The following TYW1B variants were observed in gnomAD, a reference collection of about 807,000 sequenced individuals.
TYW1B encodes the protein S-adenosyl-L-methionine-dependent tRNA 4-demethylwyosine synthase TYW1B.
TYW1B carries 73 observed loss-of-function variants against 86.9 expected under a neutral mutation model. That is an observed-to-expected ratio of 0.84 (90% CI 0.70 to 1.02). The LOEUF (loss-of-function observed/expected upper bound fraction) is 1.02. Among genes scored for constraint, TYW1B ranks in the 50% least tolerant of loss-of-function variants. The pLI, the probability that TYW1B is intolerant of heterozygous loss-of-function variation, is 0.00. For missense variants in TYW1B, 637 were observed against 827.4 expected (o/e 0.77, Z 2.82); for synonymous variants, 248 against 292.8 (o/e 0.85, Z 1.56).
In TYW1B at chr7:72,574,779, C is replaced by CT. The variant is rs1810981208; in HGVS notation, c.*718dup. 2 of 985,248 alleles carry CT rather than the reference C, an allele frequency of 2.0e-6. No individual in the cohort carries two copies. Among genetic ancestry groups the CT allele is most frequent in the African/African-American group, 3.5e-5 (2 of 57,226 alleles). The allele number at this position is 985,248 out of a possible 1,614,324, so 61.0% of individuals were successfully genotyped here. ...TTCAGTCCAAAGTGTGTTTGTGAGA[C>CT]TAATGACTCCATGCCCTCACATGGC... On this transcript the variant is annotated 3_prime_UTR_variant, in exon 14 of 14. Transcript: ENST00000620995.
At position 72,735,569 on chromosome 7, in the gene TYW1B, TAA is replaced by T. The variant is rs1169710498; in HGVS notation, c.1083-6640_1083-6639del. ...CCTGGGCAACAGCAAGACTCTGCCT[TAA>T]AAAAAAAAAAAAAAAAGGCCGAGTG... is the stretch of plus-strand genomic sequence containing the variant. On this transcript the variant is annotated intron_variant, in intron 8 of 13. Coordinates refer to ENST00000620995, the MANE Select transcript of TYW1B (RefSeq NM_001145440.3). Among the ~76,000 whole-genome samples the T allele has an allele frequency of 3.8e-3, 455 of 118,658 alleles. 3 individuals are homozygous for T. Among genetic ancestry groups the T allele is most frequent in the South Asian group, 0.032 (108 of 3,408 alleles). The allele number at this position is 118,658 out of a possible 152,430, so 77.8% of individuals were successfully genotyped here. A position where few individuals can be genotyped will look rare whatever the true frequency, so the allele number is the denominator to read the frequency against.
intron 11 of TYW1B, among the ~76,000 whole-genome samples, chr7:72,674,096 T>C (rs1427558915): frequency 3.9e-5 from 6 of 152,026 alleles, no homozygotes; most frequent in African/African-American, 1.4e-4. Flanking sequence ...TCATAGGGGA[T>C]GGTACAACCC....
intron 11 of TYW1B, among the ~76,000 whole-genome samples, chr7:72,661,913 C>CTTCCCTAT (rs1181710908): frequency 2.0e-5 from 3 of 151,884 alleles, no homozygotes; most frequent in African/African-American, 7.3e-5. Context: ...TGCTTCTCTA[C>CTTCCCTAT]TTCCCTATTT....
intron 8 of TYW1B, among the ~76,000 whole-genome samples, chr7:72,743,138 T>C (rs4996356): frequency 1.0e-4 from 15 of 150,148 alleles, no homozygotes; most frequent in South Asian, 4.2e-4. Context: ...AGAAGGAAAA[T>C]TCAGAAAAGA....
rs782337617 is a variant in TYW1B, at chr7:72,694,819, G to T, written c.1374C>A (p.Asn458Lys). The T allele has an allele frequency of 1.3e-6, 2 of 1,581,914 alleles. No homozygotes were observed. The highest frequency in any genetic ancestry group is 1.7e-6 in the Non-Finnish European group (2 of 1,171,704). The change falls in exon 11 of 14, where the codon AAC (asparagine) becomes AAA (lysine). Residue 458 changes from asparagine to lysine, a missense_variant. Physicochemically the swap from Asn to Lys is moderately conservative, Grantham distance 94. Transcript: ENST00000620995. ...CATACAGCTGAGTAACTGGCTCGAG[G>T]TTCCTTAGTAATTTTTTTTTTTAAA... ...TNAQFPAEIR[N>K]LEPVTQLYVS... is the part of the protein sequence containing the mutation.
At chr7:72,670,744 G>A (rs183092582) in intron 11 of TYW1B, among the ~76,000 whole-genome samples, 235 of 152,242 alleles carry the variant, frequency 1.5e-3, no homozygotes, top group African/African-American at 5.3e-3. Flanking sequence ...AAAGGCGGGG[G>A]AATAAATGGA....
chr7:72,588,099 G>C (rs1457753883), intron 13 of TYW1B, among the ~76,000 whole-genome samples: 1 of 152,218 alleles, frequency 6.6e-6, no homozygotes, highest in Non-Finnish European at 1.5e-5. Context: ...GGAATGCTGA[G>C]AGCTGTTGCC....
At chr7:72,823,348 A>G (rs13307503) in intron 2 of TYW1B, among the ~76,000 whole-genome samples, 40 of 151,162 alleles carry the variant, frequency 2.6e-4, no homozygotes, top group Non-Finnish European at 1.8e-4. Flanking sequence ...AAGGCCGGGC[A>G]CGGTGGCTCA....
chr7:72,681,310 G>A (rs1397453336), intron 11 of TYW1B, among the ~76,000 whole-genome samples: 2 of 152,212 alleles, frequency 1.3e-5, no homozygotes, highest in African/African-American at 4.8e-5. Flanking sequence ...GAATACCACA[G>A]TGAACAAAAA....
chr7:72,667,363 T>C (rs1813489795), intron 11 of TYW1B, among the ~76,000 whole-genome samples: 1 of 152,208 alleles, frequency 6.6e-6, no homozygotes, highest in Non-Finnish European at 1.5e-5. Flanking sequence ...CCTTTGTAAG[T>C]ATCAATTTAA....
intron 11 of TYW1B, among the ~76,000 whole-genome samples, chr7:72,680,970 C>T (rs1282090101): frequency 6.6e-6 from 1 of 152,130 alleles, no homozygotes; most frequent in Non-Finnish European, 1.5e-5. Flanking sequence ...TAGTAGAGGG[C>T]ATCATTTTGT....
At chr7:72,739,543 T>G (rs1443763127) in intron 8 of TYW1B, among the ~76,000 whole-genome samples, 2 of 150,300 alleles carry the variant, frequency 1.3e-5, no homozygotes, top group African/African-American at 4.9e-5. Context: ...GAGGCGGAGG[T>G]TGCAGTGAGC....
At chr7:72,683,525 G>A (rs1156434085) in intron 11 of TYW1B, among the ~76,000 whole-genome samples, 4 of 152,104 alleles carry the variant, frequency 2.6e-5, no homozygotes, top group African/African-American at 4.8e-5. Context: ...AGCCGAGATC[G>A]TGCCACTGCA....
At chr7:72,637,840 T>C (rs1472944659) in intron 11 of TYW1B, among the ~76,000 whole-genome samples, 3 of 151,472 alleles carry the variant, frequency 2.0e-5, no homozygotes, top group Non-Finnish European at 2.9e-5. Flanking sequence ...AATATTTTCA[T>C]TGGGAACAGA....
At chr7:72,697,406 AG>A (rs1262656472) in intron 10 of TYW1B, among the ~76,000 whole-genome samples, 1 of 152,138 alleles carries the variant, frequency 6.6e-6, no homozygotes, top group African/African-American at 2.4e-5. Flanking sequence ...CAAGGAGCAG[AG>A]GAAGAATGGA....
chr7:72,601,777 A>G (rs1190519788), intron 13 of TYW1B, among the ~76,000 whole-genome samples: 1 of 152,072 alleles, frequency 6.6e-6, no homozygotes, highest in Non-Finnish European at 1.5e-5. Context: ...TAAAAAAAAA[A>G]AAAGAAAGAA....
Position 72,598,394 on chromosome 7 carries a change from T to C in TYW1B, c.1785+18278A>G, listed in dbSNP as rs1811584527. 2.0e-5 allele frequency among the ~76,000 whole-genome samples: 3 copies of C among 152,000 alleles called. No individual in the cohort carries two copies. The South Asian group carries it at 6.2e-4, about 32-fold the overall frequency. On this transcript the variant is annotated intron_variant, in intron 13 of 13. Coordinates refer to ENST00000620995, the MANE Select transcript of TYW1B (RefSeq NM_001145440.3). ...GTACTTAATAAACTCCCCTATTAGTTCTATCCCTCTAACAGAACCCTGACT... is the reference window on the plus strand; with the variant it reads ...GTACTTAATAAACTCCCCTATTAGTCCTATCCCTCTAACAGAACCCTGACT...
intron 13 of TYW1B, among the ~76,000 whole-genome samples, chr7:72,578,827 G>A (rs1377466778): frequency 6.6e-6 from 1 of 152,184 alleles, no homozygotes; most frequent in African/African-American, 2.4e-5. Flanking sequence ...GCCCCGTAGA[G>A]GAGTCTTTTT....
intron 13 of TYW1B, among the ~76,000 whole-genome samples, chr7:72,582,357 G>GA (rs1269748638): frequency 6.6e-6 from 1 of 152,138 alleles, no homozygotes; most frequent in African/African-American, 2.4e-5. Context: ...CATACACAGA[G>GA]GATTAGGAAT....
Sources: gnomAD v4.1 joint callset for allele counts (sites outside exome capture counted in the v4.1 genomes callset) on GRCh38, gnomAD v4.1.1 for gene constraint, MANE v1.5 for transcripts, NCBI Gene and HGNC (gene_info 2026-07-23, HGNC 2026-07-21) for gene names.